MACF1: variants seen among roughly 807,000 people sequenced by gnomAD.
MACF1 encodes microtubule-actin cross-linking factor 1.
In MACF1, 193 loss-of-function variants were observed where a neutral mutation model predicts 854.8. The ratio of observed to expected loss-of-function variants is 0.23; its 90% CI spans 0.20 to 0.25. The LOEUF (loss-of-function observed/expected upper bound fraction) is 0.25, where lower values mean the gene tolerates loss of function less well. Among genes scored for constraint, MACF1 ranks in the 10% least tolerant of loss-of-function variants. MACF1 has a pLI of 1.00. For synonymous variants in MACF1, 3,185 were observed against 3,226.7 expected, an observed-to-expected ratio of 0.99 and a Z score of 0.44; for missense variants, 7,722 against 8,929.1, an observed-to-expected ratio of 0.86 and a Z score of 5.45.
chr1:39,305,788 C>T (rs1646161448), intron 23 of MACF1, among the ~76,000 whole-genome samples: 1 of 152,176 alleles, frequency 6.6e-6, no homozygotes, highest in African/African-American at 2.4e-5. Context: ...CACACACAGA[C>T]AGCATATTCT....
chr1:39,448,246 A>G, intron 83 of MACF1, 94 bp downstream of exon 83: 1 of 1,397,466 alleles, frequency 7.2e-7, no homozygotes, highest in Non-Finnish European at 9.7e-7. Context: ...TAAAAAGAAA[A>G]CCAATTGGTT....
chr1:39,437,068 C>G lies in MACF1; in HGVS notation c.17989-709C>G, dbSNP rs12075329. The stretch of plus-strand genomic sequence containing the variant: ...GGTGGAGGGCATCTAACTTGTTGGT[C>G]TAGTCTGTTGCATGCAACTGTCATC... On this transcript the variant is annotated intron_variant, in intron 70 of 100. Transcript: ENST00000564288. Among the ~76,000 whole-genome samples the G allele has an allele frequency of 4.0e-3, 612 of 152,260 alleles. 3 individuals are homozygous for G. The highest frequency in any genetic ancestry group is 0.014 in the African/African-American group (591 of 41,552).
chr1:39,220,320 G>C (rs12096959), intron 1 of MACF1, among the ~76,000 whole-genome samples: 1 of 150,954 alleles, frequency 6.6e-6, no homozygotes, highest in African/African-American at 2.4e-5. Context: ...TTACAGGAGC[G>C]CACCACCTTG....
intron 78 of MACF1, among the ~76,000 whole-genome samples, chr1:39,443,228 C>T (rs1287270593): frequency 6.6e-6 from 1 of 152,122 alleles, no homozygotes; most frequent in Non-Finnish European, 1.5e-5. Flanking sequence ...TTCATCTGAT[C>T]GTATCAGGCA....
chr1:39,320,593 T>C (rs566756325), intron 31 of MACF1, among the ~76,000 whole-genome samples: 1 of 152,342 alleles, frequency 6.6e-6, no homozygotes, highest in South Asian at 2.1e-4. Flanking sequence ...ATAGTCGTAA[T>C]AAAATTCTAA....
intron 63 of MACF1, 116 bp from the exon 64 acceptor site, chr1:39,429,126 G>A (rs147867675): frequency 0.01 from 5,911 of 579,082 alleles, 45 homozygotes; most frequent in African/African-American, 0.02. Context: ...AATATCTGAT[G>A]TTTAAATTAA....
chr1:39,327,422 A>T (rs1424955066), intron 36 of MACF1, 69 bp downstream of exon 36: 1 of 1,463,276 alleles, frequency 6.8e-7, no homozygotes, highest in South Asian at 1.4e-5. Flanking sequence ...AGCTTTGCTG[A>T]TTCAGAGTCA....
At chr1:39,165,203 C>T (rs1435560467) in intron 2 of MACF1, among the ~76,000 whole-genome samples, 1 of 152,166 alleles carries the variant, frequency 6.6e-6, no homozygotes, top group African/African-American at 2.4e-5. Context: ...ATAGTGAGAA[C>T]TGTGTGCCTT....
chr1:39,449,059 T>C (rs1048776700), intron 84 of MACF1, among the ~76,000 whole-genome samples: 1 of 152,242 alleles, frequency 6.6e-6, no homozygotes, highest in African/African-American at 2.4e-5. Flanking sequence ...AACTGTCTTA[T>C]TGACTGCTCT....
chr1:39,430,643 C>A, intron 65 of MACF1, 59 bp from the exon 66 acceptor site: 1 of 1,351,186 alleles, frequency 7.4e-7, no homozygotes, highest in South Asian at 1.2e-5. Flanking sequence ...CCACCCAGCA[C>A]AGTTGCTGAT....
At chr1:39,141,274 G>C (rs1643339806) in intron 2 of MACF1, among the ~76,000 whole-genome samples, 1 of 152,190 alleles carries the variant, frequency 6.6e-6, no homozygotes, top group Non-Finnish European at 1.5e-5. Flanking sequence ...AGAATCACCT[G>C]CAGGGCATGT....
intron 2 of MACF1, among the ~76,000 whole-genome samples, chr1:39,177,368 C>T (rs1272368764): frequency 2.0e-5 from 3 of 152,134 alleles, no homozygotes; most frequent in South Asian, 2.1e-4. Context: ...GTGATCCACC[C>T]GCCTCGGCCT....
chr1:39,305,658 G>A (rs950903775), intron 23 of MACF1, among the ~76,000 whole-genome samples: 1 of 152,134 alleles, frequency 6.6e-6, no homozygotes, highest in Non-Finnish European at 1.5e-5. Flanking sequence ...TTAAAGCTGA[G>A]CCACATCTTA....
At chr1:39,202,478 T>C (rs1298542770), upstream of MACF1, among the ~76,000 whole-genome samples, 1 of 151,144 alleles carries the variant, frequency 6.6e-6, no homozygotes, top group Non-Finnish European at 1.5e-5. Flanking sequence ...CTACTAAAAA[T>C]AGAAAAATTA....
Position 39,434,498 on chromosome 1 carries a change from G to A in MACF1, c.17650G>A (p.Val5884Ile). The change falls in exon 69 of 101, where the codon GTC becomes ATC. Residue 5884 changes from valine to isoleucine, a missense_variant. Physicochemically the swap from Val to Ile is conservative, Grantham distance 29. Coordinates refer to ENST00000564288, the MANE Select transcript of MACF1 (RefSeq NM_001394062.1). The part of the protein sequence containing the change: ...ERYARLERAQ[V>I]LVNQFWETYE... ...TTATGCCCGCCTAGAGCGGGCCCAG[G>A]TCTTAGTAAACCAGTTTTGGGAAAC... 6.2e-7 allele frequency: 1 copy of A among 1,613,776 alleles called. No individual in the cohort carries two copies. The highest frequency in any genetic ancestry group is 8.5e-7 in the Non-Finnish European group (1 of 1,179,972).
chr1:39,377,846 A>G (rs1474440224), intron 52 of MACF1, among the ~76,000 whole-genome samples: 1 of 152,058 alleles, frequency 6.6e-6, no homozygotes, highest in Non-Finnish European at 1.5e-5. Flanking sequence ...TCTACTAAAA[A>G]TACAAAAATT....
upstream of MACF1, among the ~76,000 whole-genome samples, chr1:39,201,453 A>C (rs1698831): frequency 0.12 from 17,500 of 152,026 alleles, 2,248 homozygotes; most frequent in African/African-American, 0.32. Context: ...CCTGGATTCA[A>C]GCGATTCTTC....
chr1:39,115,753 C>T (rs1642528357), intron 2 of MACF1, among the ~76,000 whole-genome samples: 1 of 152,062 alleles, frequency 6.6e-6, no homozygotes, highest in African/African-American at 2.4e-5. Flanking sequence ...GGAACTCCAA[C>T]AGGAGAGTGG....
chr1:39,156,952 T>G (rs1222532297), intron 2 of MACF1, among the ~76,000 whole-genome samples: 1 of 144,656 alleles, frequency 6.9e-6, no homozygotes, highest in Non-Finnish European at 1.5e-5. Flanking sequence ...GTTATTACTT[T>G]CCCTTTCCAT....
Sources: gnomAD v4.1 joint callset for allele counts (sites outside exome capture counted in the v4.1 genomes callset) on GRCh38, gnomAD v4.1.1 for gene constraint, MANE v1.5 for transcripts, NCBI Gene and HGNC (gene_info 2026-07-23, HGNC 2026-07-21) for gene names.